Variants in NPAS1 observed in about 807,000 individuals in gnomAD.
The protein encoded by NPAS1 is neuronal PAS domain protein 1.
NPAS1 carries 29 observed loss-of-function variants against 49.2 expected under a neutral mutation model. The observed-to-expected ratio is 0.59, with a 90% confidence interval of 0.44 to 0.80. NPAS1 has a LOEUF of 0.80. Ranked by LOEUF, NPAS1 falls within the 30% of genes least tolerant of loss-of-function variation. The probability of loss-of-function intolerance (pLI) is 0.00; values close to 1 mark genes in which losing one functional copy is unlikely to be tolerated. For missense variants in NPAS1, 825 were observed against 835.5 expected (o/e 0.99, Z 0.15); for synonymous variants, 408 against 380.4 (o/e 1.07, Z -0.84).
At chr19:47,039,664 A>T in intron 8 of NPAS1, 100 bp downstream of exon 8, 1 of 1,308,114 alleles carries the variant, frequency 7.6e-7, no homozygotes, top group Non-Finnish European at 1.0e-6. Flanking sequence ...AGGATAGGGC[A>T]CTGGGGAGCC....
chr19:47,039,407 G>T lies in NPAS1; in HGVS notation c.805G>T (p.Val269Phe). 1 of 1,611,726 alleles carries T rather than the reference G, an allele frequency of 6.2e-7. No individual in the cohort carries two copies. Among genetic ancestry groups the T allele is most frequent in the Non-Finnish European group, 8.5e-7 (1 of 1,179,870 alleles). The change falls in exon 8 of 12, where the codon GTC becomes TTC. Residue 269 changes from valine (V) to phenylalanine (F), a missense_variant and splice_region_variant. Coordinates refer to ENST00000602212, the MANE Select transcript of NPAS1 (RefSeq NM_002517.4). ...CTCCAACCATGCCCACCACCAGCAG[G>T]TCATCCACGTGACTGGGCGCCTTCG... Reference protein sequence around the residue: ...GLHVKASGYKVIHVTGRLRAH... With the variant: ...GLHVKASGYKFIHVTGRLRAH...
rs149076320 is a variant in NPAS1 at position 47,037,265 on chromosome 19, C to T, written c.688+1136C>T. The stretch of plus-strand genomic sequence containing the variant: ...ACTCAGGATGCTGAGGCAGGAGAAT[C>T]GCTTGAACCTGGGAGGTGGAGGTTG... On this transcript the variant is annotated intron_variant, in intron 6 of 11. Coordinates refer to ENST00000602212, the MANE Select transcript of NPAS1 (RefSeq NM_002517.4). Among the ~76,000 whole-genome samples, 14 of 135,908 alleles carry T rather than the reference C, an allele frequency of 1.0e-4. No homozygotes were observed. In the East Asian group the frequency reaches 1.3e-3, roughly 13 times the overall value. The allele number at this position is 135,908 out of a possible 152,430, so 89.2% of individuals were successfully genotyped here.
chr19:47,040,683 C>T (rs1340150333), intron 9 of NPAS1, 133 bp downstream of exon 9: 7 of 642,214 alleles, frequency 1.1e-5, no homozygotes, highest in East Asian at 2.8e-5. Flanking sequence ...CCAGGGACTC[C>T]GTTTAGCATT....
chr19:47,037,338 CAAAAAAAAAAAA>C (rs869125845), intron 6 of NPAS1, among the ~76,000 whole-genome samples: 21 of 51,788 alleles, frequency 4.1e-4, no homozygotes, highest in Middle Eastern at 9.3e-3. Context: ...ACTCCGTCTC[CAAAAAAAAAAAA>C]AAAAAAAAAA....
chr19:47,035,191 AAAGAAGAAGAAGAAGAAG>A (rs56216577), intron 5 of NPAS1: 1 of 148,898 alleles, frequency 6.7e-6, no homozygotes, highest in Non-Finnish European at 1.5e-5. Flanking sequence ...AAAAAAATAA[AAAGAAGAAGAAGAAGAAG>A]AAGAAGAAGA....
intron 11 of NPAS1, among the ~76,000 whole-genome samples, chr19:47,044,148 A>G (rs1013543532): frequency 2.0e-5 from 3 of 152,322 alleles, no homozygotes; most frequent in Admixed American, 6.5e-5. Flanking sequence ...ATCTCGGCTC[A>G]CTGCAACCTC....
chr19:47,025,007 C>T (rs1332748866), intron 3 of NPAS1, among the ~76,000 whole-genome samples: 1 of 148,082 alleles, frequency 6.8e-6, no homozygotes, highest in Non-Finnish European at 1.5e-5. Flanking sequence ...GATGGGGTTT[C>T]ACCATGTTGG....
Position 47,022,883 on chromosome 19 carries a change from A to G in NPAS1, c.358+1036A>G, listed in dbSNP as rs532772182. 3.1e-3 allele frequency among the ~76,000 whole-genome samples: 465 copies of G among 152,342 alleles called. 14 individuals carry two copies. Among genetic ancestry groups the G allele is most frequent in the Non-Finnish European group, 1.0e-3 (70 of 68,018 alleles). ...ATAGAAGTGCTGTTATGTTATTATT[A>G]CTTCTATTTTATGTGTTTGTTACAG... On this transcript the variant is annotated intron_variant, in intron 3 of 11. Coordinates refer to ENST00000602212, the MANE Select transcript of NPAS1 (RefSeq NM_002517.4).
At position 47,045,485 on chromosome 19, in the gene NPAS1, T is replaced by A; in HGVS notation, c.1607T>A (p.Leu536Gln). ...AGFLPPVVRG[L>Q]CTPGTIRYGP... ...TTCCTGCCGCCGGTGGTGCGGGGCC[T>A]GTGCACACCCGGCACCATCCGCTAC... The change falls in exon 12 of 12, where the codon CTG (leucine) becomes CAG (glutamine). Residue 536 changes from leucine (L) to glutamine (Q), a missense_variant. Transcript: ENST00000602212. The A allele has an allele frequency of 6.4e-7, 1 of 1,567,744 alleles. No individual in the cohort carries two copies. The highest frequency in any genetic ancestry group is 8.6e-7 in the Non-Finnish European group (1 of 1,161,072).
intron 3 of NPAS1, among the ~76,000 whole-genome samples, chr19:47,028,626 C>T (rs1048046308): frequency 1.3e-5 from 2 of 152,138 alleles, no homozygotes; most frequent in African/African-American, 4.8e-5. Context: ...CCTGGCAAAC[C>T]CGCTTGACAG....
intron 3 of NPAS1, among the ~76,000 whole-genome samples, chr19:47,030,636 CTTTTTTTTTTTTTTTT>C (rs55931402): frequency 2.1e-5 from 2 of 96,782 alleles, no homozygotes; most frequent in Admixed American, 1.2e-4. Context: ...GGCCCTTTGC[CTTTTTTTTTTTTTTTT>C]TTTTTTTTTT....
chr19:47,022,293 T>C (rs1394901345), intron 3 of NPAS1, among the ~76,000 whole-genome samples: 2 of 152,012 alleles, frequency 1.3e-5, no homozygotes, highest in Non-Finnish European at 2.9e-5. Context: ...GAGCCCCCAG[T>C]TGGAGGAGCA....
intron 3 of NPAS1, among the ~76,000 whole-genome samples, chr19:47,030,971 G>A (rs191047877): frequency 2.8e-4 from 42 of 152,092 alleles, no homozygotes; most frequent in African/African-American, 9.6e-4. Context: ...TCTTTTTGTT[G>A]TTGAGTTGTA....
intron 3 of NPAS1, 68 bp from the exon 4 acceptor site, chr19:47,032,210 G>GC: frequency 7.0e-7 from 1 of 1,437,384 alleles, no homozygotes; most frequent in South Asian, 1.2e-5. Context: ...TTGTAGACTG[G>GC]CTCCCGGGGG....
In NPAS1 at chr19:47,042,862, G is replaced by A. The variant is rs151177532; in HGVS notation, c.1270G>A (p.Val424Met). The A allele has an allele frequency of 6.3e-4, 1,007 of 1,606,134 alleles. 4 individuals are homozygous for A. Among genetic ancestry groups the A allele is most frequent in the Non-Finnish European group, 7.8e-4 (918 of 1,176,582 alleles). Residue 424 changes from valine (V) to methionine (M), a missense_variant, in exon 11 of 12, where the codon GTG becomes ATG. Coordinates refer to ENST00000602212, the MANE Select transcript of NPAS1 (RefSeq NM_002517.4). ...PLDAFQLPAS[V>M]ACEEASSPGP... ...GGATGCCTTCCAGCTTCCAGCCAGC[G>A]TGGCCTGTGAGGAGGCATCCAGCCC...
At chr19:47,022,203 G>A (rs1170293794) in intron 3 of NPAS1, among the ~76,000 whole-genome samples, 1 of 152,194 alleles carries the variant, frequency 6.6e-6, no homozygotes, top group East Asian at 1.9e-4. Flanking sequence ...CCTGGCTTGG[G>A]ACGCCCATTC....
At chr19:47,043,042 C>T in intron 11 of NPAS1, 138 bp downstream of exon 11, 2 of 596,016 alleles carry the variant, frequency 3.4e-6, no homozygotes, top group Non-Finnish European at 5.3e-6. Context: ...TGCGGTGGCT[C>T]ACGCCTGTAA....
chr19:47,036,003 C>G lies in NPAS1; in HGVS notation c.562C>G (p.Pro188Ala). ...CAGCAGCGTCTTCGACTACATTCAC[C>G]CTGGGGACCACTCAGAGGTGCTGGA... ...TGSSVFDYIHPGDHSEVLEQL... is the reference protein window; with the variant it reads ...TGSSVFDYIHAGDHSEVLEQL... Residue 188 changes from proline to alanine, a missense_variant, in exon 6 of 12, where the codon CCT (proline) becomes GCT (alanine). Coordinates refer to ENST00000602212, the MANE Select transcript of NPAS1 (RefSeq NM_002517.4). 2 of 1,579,836 alleles carry G rather than the reference C, an allele frequency of 1.3e-6. No homozygotes were observed. The highest frequency in any genetic ancestry group is 1.7e-6 in the Non-Finnish European group (2 of 1,164,742).
At chr19:47,027,869 G>A (rs2122463810) in intron 3 of NPAS1, among the ~76,000 whole-genome samples, 1 of 152,274 alleles carries the variant, frequency 6.6e-6, no homozygotes. Context: ...TGGAAGTGGT[G>A]AAAAGTCTCC....
Sources: allele counts gnomAD v4.1 joint callset (sites outside exome capture counted in the v4.1 genomes callset), GRCh38; gene constraint gnomAD v4.1.1; transcripts MANE v1.5; gene names NCBI Gene and HGNC (gene_info 2026-07-23, HGNC 2026-07-21).